HAO1: variants seen among roughly 807,000 people sequenced by gnomAD.
HAO1 encodes the protein hydroxyacid oxidase 1.
A neutral mutation model predicts 39.7 loss-of-function variants in HAO1; 34 were observed. The observed-to-expected ratio is 0.86, with a 90% CI of 0.65 to 1.14. The LOEUF (loss-of-function observed/expected upper bound fraction) is 1.14. Ranked by LOEUF, HAO1 falls within the 50% of genes most tolerant of loss-of-function variation. The probability of loss-of-function intolerance (pLI) is 0.00; values close to 1 mark genes in which losing one functional copy is unlikely to be tolerated. For synonymous variants in HAO1, 172 were observed against 173.2 expected, an observed-to-expected ratio of 0.99 and a Z score of 0.05; for missense variants, 479 against 464.5, an observed-to-expected ratio of 1.03 and a Z score of -0.29.
intron 1 of HAO1, among the ~76,000 whole-genome samples, chr20:7,940,082 A>G (rs1330908795): frequency 6.6e-6 from 1 of 152,194 alleles, no homozygotes; most frequent in Non-Finnish European, 1.5e-5. Flanking sequence ...TTTTGCAGTC[A>G]GTTCCTCAAG....
intron 1 of HAO1, among the ~76,000 whole-genome samples, chr20:7,938,070 G>T (rs1423274856): frequency 1.3e-5 from 2 of 152,216 alleles, no homozygotes; most frequent in East Asian, 3.9e-4. Flanking sequence ...TCATAAATGT[G>T]TTTGAAATAC....
intron 4 of HAO1, among the ~76,000 whole-genome samples, chr20:7,903,864 T>C (rs1293600376): frequency 4.2e-4 from 45 of 108,152 alleles, no homozygotes; most frequent in Non-Finnish European, 6.7e-4. Context: ...GTAGCGGTGG[T>C]GGTGGTGGTG....
intron 4 of HAO1, among the ~76,000 whole-genome samples, chr20:7,904,499 T>C (rs2050238351): frequency 6.6e-6 from 1 of 152,246 alleles, no homozygotes. Context: ...TACTTCAGTC[T>C]GAAGTAGAGT....
In HAO1 at chr20:7,927,601, A is replaced by G. The variant is rs560224139; in HGVS notation, c.289+6883T>C. Among the ~76,000 whole-genome samples the G allele has an allele frequency of 4.6e-5, 7 of 152,294 alleles. No homozygotes were observed. The East Asian group carries it at 1.2e-3, about 25-fold the overall frequency. On this transcript the variant is annotated intron_variant, in intron 2 of 7. Transcript: ENST00000378789. The stretch of plus-strand genomic sequence containing the variant: ...TTTTCCACTTTAAAAGACTTCTTAG[A>G]ATTTTATCTTTTGTTTGATTGTAAT...
chr20:7,914,735 G>T (rs1428304269), intron 2 of HAO1, among the ~76,000 whole-genome samples: 1 of 151,996 alleles, frequency 6.6e-6, no homozygotes, highest in African/African-American at 2.4e-5. Flanking sequence ...TGTAAATACG[G>T]GCAAAAAATA....
intron 2 of HAO1, among the ~76,000 whole-genome samples, chr20:7,926,385 C>T (rs535746951): frequency 6.6e-6 from 1 of 152,202 alleles, no homozygotes; most frequent in South Asian, 2.1e-4. Context: ...AGTGCTTTGC[C>T]TGGATTAGGT....
intron 5 of HAO1, among the ~76,000 whole-genome samples, chr20:7,892,030 A>G (rs760946827): frequency 2.6e-5 from 4 of 152,122 alleles, no homozygotes; most frequent in Non-Finnish European, 5.9e-5. Context: ...CTGGGAGCAA[A>G]ACTGAGTTGC....
chr20:7,901,195 G>A (rs1224859729), intron 4 of HAO1, among the ~76,000 whole-genome samples: 1 of 152,176 alleles, frequency 6.6e-6, no homozygotes, highest in Non-Finnish European at 1.5e-5. Flanking sequence ...AGCAGCTGAG[G>A]GCTGATGGAA....
rs186550311 is a variant in HAO1 at position 7,894,168 on chromosome 20, A to G, written c.813+965T>C. Reference sequence around the variant, plus strand: ...GGCCCCCATTCTGGATCATGGATCCATAAAATCCACCCCAGGAAATGTGTC... The same window carrying G: ...GGCCCCCATTCTGGATCATGGATCCGTAAAATCCACCCCAGGAAATGTGTC... On this transcript the variant is annotated intron_variant, in intron 5 of 7. Coordinates refer to ENST00000378789, the MANE Select transcript of HAO1 (RefSeq NM_017545.3). 3.0e-4 allele frequency among the ~76,000 whole-genome samples: 46 copies of G among 152,248 alleles called. No homozygotes were observed. In the East Asian group the frequency reaches 7.2e-3, roughly 24 times the overall value.
At chr20:7,900,851 G>A (rs6117987) in intron 4 of HAO1, among the ~76,000 whole-genome samples, 1 of 152,132 alleles carries the variant, frequency 6.6e-6, no homozygotes, top group South Asian at 2.1e-4. Flanking sequence ...ACAAAAGCTA[G>A]GCTCCTTGTG....
At position 7,883,608 on chromosome 20, in the gene HAO1, G is replaced by A. The variant is rs185444823; in HGVS notation, c.1098C>T (p.Ala366=). Reference sequence around the variant, plus strand: ...TTGTGCACTGTCAGATCTTGGAAACGGCCAAAGGATTTTTCCTCACCAATG... The same window carrying A: ...TTGTGCACTGTCAGATCTTGGAAACAGCCAAAGGATTTTTCCTCACCAATG... The part of the protein sequence containing the change: ...DKTLVRKNPL[A]VSKI The change falls in exon 8 of 8, where the codon GCC becomes GCT. Residue 366 remains alanine, a synonymous_variant. Transcript: ENST00000378789. 27 of 1,612,356 alleles carry A rather than the reference G, an allele frequency of 1.7e-5. No individual in the cohort carries two copies. Among genetic ancestry groups the A allele is most frequent in the Admixed American group, 3.3e-5 (2 of 59,970 alleles).
chr20:7,890,777 T>C (rs143215887), intron 5 of HAO1, among the ~76,000 whole-genome samples: 1 of 152,284 alleles, frequency 6.6e-6, no homozygotes, highest in East Asian at 1.9e-4. Flanking sequence ...AGCTCCCACA[T>C]ATCAGTGAGA....
intron 2 of HAO1, among the ~76,000 whole-genome samples, chr20:7,930,820 A>G (rs2050382293): frequency 6.6e-6 from 1 of 152,198 alleles, no homozygotes; most frequent in African/African-American, 2.4e-5. Context: ...CTCATGTTGC[A>G]ACAGATAATG....
chr20:7,885,667 A>G (rs1480585714), intron 6 of HAO1, 39 bp downstream of exon 6: 2 of 1,580,874 alleles, frequency 1.3e-6, no homozygotes, highest in South Asian at 1.1e-5. Context: ...TTTACTGTCA[A>G]GTTGTCTATT....
chr20:7,895,606 A>C (rs2050193721), intron 4 of HAO1, among the ~76,000 whole-genome samples: 1 of 151,974 alleles, frequency 6.6e-6, no homozygotes, highest in Non-Finnish European at 1.5e-5. Context: ...AAAAAAAAAA[A>C]AACATAAAAA....
intron 2 of HAO1, among the ~76,000 whole-genome samples, chr20:7,918,947 C>A (rs902582024): frequency 4.6e-5 from 7 of 152,230 alleles, no homozygotes; most frequent in Non-Finnish European, 1.0e-4. Context: ...GACACTGTCT[C>A]ATTGCATTTT....
rs2050400459 is a variant in HAO1, at chr20:7,934,478, T to A, written c.289+6A>T. The A allele has an allele frequency of 6.2e-7, 1 of 1,606,718 alleles. No homozygotes were observed. Among genetic ancestry groups the A allele is most frequent in the Non-Finnish European group, 8.5e-7 (1 of 1,177,316 alleles). ...TCTGTCCCTGTGGTGACAATCTTCC[T>A]CCTACCTCTCACAGTGGCAAGCTCG... On this transcript the variant is annotated splice_donor_region_variant and intron_variant, in intron 2 of 7. Transcript: ENST00000378789.
intron 2 of HAO1, among the ~76,000 whole-genome samples, chr20:7,926,653 G>T (rs1329266564): frequency 1.3e-5 from 2 of 152,026 alleles, no homozygotes; most frequent in Non-Finnish European, 2.9e-5. Flanking sequence ...AGTCATCTGG[G>T]GTCTGTGTGG....
At chr20:7,938,380 T>C (rs1486453075) in intron 1 of HAO1, among the ~76,000 whole-genome samples, 1 of 74,838 alleles carries the variant, frequency 1.3e-5, no homozygotes, top group African/African-American at 7.9e-5. Context: ...GTTGATTGAT[T>C]TTTTTTTTTA....
Sources: allele counts gnomAD v4.1 joint callset (sites outside exome capture counted in the v4.1 genomes callset), GRCh38; gene constraint gnomAD v4.1.1; transcripts MANE v1.5; gene names NCBI Gene and HGNC (gene_info 2026-07-23, HGNC 2026-07-21).